Variants in PPP2R5C observed in about 807,000 individuals in gnomAD.
PPP2R5C encodes the protein protein phosphatase 2 regulatory subunit B'gamma.
A neutral mutation model predicts 68.9 loss-of-function variants in PPP2R5C; 7 were observed. That is an observed-to-expected ratio of 0.10 (90% CI 0.06 to 0.19). The LOEUF (loss-of-function observed/expected upper bound fraction) is 0.19, where lower values mean the gene tolerates loss of function less well. PPP2R5C is among the 10% of genes least tolerant of loss of function. The probability of loss-of-function intolerance (pLI) is 1.00; values close to 1 mark genes in which losing one functional copy is unlikely to be tolerated. For synonymous variants in PPP2R5C, 210 were observed against 222.2 expected (o/e 0.95, Z 0.49); for missense variants, 348 against 641.3 (o/e 0.54, Z 4.94).
intron 3 of PPP2R5C, among the ~76,000 whole-genome samples, chr14:101,798,601 T>A (rs1282872555): frequency 6.6e-6 from 1 of 152,220 alleles, no homozygotes; most frequent in Non-Finnish European, 1.5e-5. Context: ...TCCAAAAAAA[T>A]ATGAAATAAT....
chr14:101,779,223 G>T (rs1393088669), intron 2 of PPP2R5C, among the ~76,000 whole-genome samples: 4 of 152,118 alleles, frequency 2.6e-5, no homozygotes, highest in Admixed American at 2.0e-4. Flanking sequence ...TGAAGGAGAC[G>T]CAGCAAGCTC....
At chr14:101,761,725 C>A, upstream of PPP2R5C, 1 of 960,590 alleles carries the variant, frequency 1.0e-6, no homozygotes, top group Non-Finnish European at 1.2e-6. Context: ...GTGGCTGCCG[C>A]AGCCTCTGGG....
At chr14:101,908,636 G>A (rs984123392) in intron 10 of PPP2R5C, among the ~76,000 whole-genome samples, 2 of 151,848 alleles carry the variant, frequency 1.3e-5, no homozygotes, top group Non-Finnish European at 2.9e-5. Context: ...AGCCTCCCAC[G>A]GTGCCGGGAC....
intron 1 of PPP2R5C, among the ~76,000 whole-genome samples, chr14:101,832,507 G>A (rs756113774): frequency 1.3e-4 from 20 of 152,188 alleles, no homozygotes; most frequent in Non-Finnish European, 2.9e-4. Flanking sequence ...CGATCTTGAA[G>A]GTGTTCATGC....
chr14:101,836,620 A>T (rs1431560919), intron 1 of PPP2R5C: 2 of 479,642 alleles, frequency 4.2e-6, no homozygotes, highest in African/African-American at 3.9e-5. Context: ...AAGCTTAAAG[A>T]TTATTTCTAT....
intron 3 of PPP2R5C, among the ~76,000 whole-genome samples, chr14:101,787,918 C>T (rs1471045872): frequency 2.0e-5 from 3 of 152,128 alleles, no homozygotes; most frequent in Non-Finnish European, 4.4e-5. Flanking sequence ...ATATACCTTT[C>T]TCATGCTATT....
chr14:101,817,378 C>T (rs960602670), intron 1 of PPP2R5C, among the ~76,000 whole-genome samples: 64 of 152,164 alleles, frequency 4.2e-4, no homozygotes, highest in Non-Finnish European at 8.7e-4. Flanking sequence ...AATGTAATAA[C>T]TTAGCTACTG....
chr14:101,880,739 G>T (rs2044114210), intron 2 of PPP2R5C, among the ~76,000 whole-genome samples: 1 of 152,140 alleles, frequency 6.6e-6, no homozygotes, highest in African/African-American at 2.4e-5. Flanking sequence ...GGAGGCTGCA[G>T]TGAGCGATGA....
rs2037043965 is a variant in PPP2R5C at position 101,769,553 on chromosome 14, G to T, written c.93+6583G>T. ...TTTATCACTTTTTTGATCCAATAAG[G>T]GAACTCTAATGTAGAATTTTTATTC... On this transcript the variant is annotated intron_variant, in intron 2 of 14. Transcript: ENST00000328724. 2.6e-5 allele frequency among the ~76,000 whole-genome samples: 4 copies of T among 151,976 alleles called. No homozygotes were observed. In the South Asian group the frequency reaches 8.3e-4, roughly 32 times the overall value.
chr14:101,787,591 G>C (rs549076765), intron 3 of PPP2R5C, among the ~76,000 whole-genome samples: 16 of 145,332 alleles, frequency 1.1e-4, no homozygotes, highest in Non-Finnish European at 2.1e-4. Context: ...GTGAAACCCC[G>C]TCTCTACTAA....
intron 10 of PPP2R5C, among the ~76,000 whole-genome samples, chr14:101,909,181 T>C (rs527824674): frequency 7.9e-5 from 12 of 152,378 alleles, no homozygotes; most frequent in Non-Finnish European, 1.3e-4. Context: ...GTGTTGCCAT[T>C]ATTAAAATTA....
intron 1 of PPP2R5C, among the ~76,000 whole-genome samples, chr14:101,846,133 T>TA (rs763702609): frequency 7.9e-5 from 12 of 152,136 alleles, no homozygotes; most frequent in African/African-American, 4.8e-5. Flanking sequence ...CGGGAACACT[T>TA]AGAGTGGGCA....
In PPP2R5C at chr14:101,899,839, A is replaced by G. The variant is rs2180511; in HGVS notation, c.853-1880A>G. Among the ~76,000 whole-genome samples the G allele has an allele frequency of 8.2e-4, 123 of 150,798 alleles. 1 individual carries two copies. Among genetic ancestry groups the G allele is most frequent in the African/African-American group, 2.5e-3 (105 of 41,468 alleles). ...AATAATTCCTTTTAAAGACACTTGT[A>G]TGGTAGATTTTTATGTCAGACTTGA... On this transcript the variant is annotated intron_variant, in intron 8 of 13. Coordinates refer to ENST00000334743, the Ensembl canonical transcript of PPP2R5C. The surrounding 1 kb of genome is among the most constrained non-coding windows in gnomAD (Gnocchi z 4.2).
intron 1 of PPP2R5C, chr14:101,819,363 T>A (rs2039909479): frequency 5.6e-6 from 2 of 359,912 alleles, no homozygotes; most frequent in East Asian, 9.1e-5. Flanking sequence ...ATTACCAAGA[T>A]CTAATTTACC....
At chr14:101,782,674 C>G (rs191293616) in intron 2 of PPP2R5C, among the ~76,000 whole-genome samples, 1 of 3,310 alleles carries the variant, frequency 3.0e-4, no homozygotes, top group Non-Finnish European at 8.9e-4. Context: ...CCCCTTCTCT[C>G]TCTCTTTCTC....
intron 2 of PPP2R5C, among the ~76,000 whole-genome samples, chr14:101,764,025 G>GTA (rs1339893895): frequency 5.6e-4 from 85 of 151,306 alleles, no homozygotes; most frequent in Middle Eastern, 6.8e-3. Context: ...GTGTGTGTGT[G>GTA]TGTGGGCGCG....
chr14:101,855,038 C>T (rs2042343734), intron 1 of PPP2R5C, among the ~76,000 whole-genome samples: 3 of 151,984 alleles, frequency 2.0e-5, no homozygotes, highest in Admixed American at 1.3e-4. Flanking sequence ...GGTGTGGTGG[C>T]GCACATCTGT....
At position 101,809,992 on chromosome 14, in the gene PPP2R5C, A is replaced by G. The variant is rs143316004; in HGVS notation, c.50A>G (p.Asn17Ser). The G allele has an allele frequency of 2.5e-4, 398 of 1,613,812 alleles. 2 individuals carry two copies. The highest frequency in any genetic ancestry group is 2.5e-3 in the South Asian group (224 of 91,054). ...AGCAGGATGGTGGTGGATGCGGCCA[A>G]CTCCAATGGGCCTTTCCAGCCCGTG... is the stretch of plus-strand genomic sequence containing the variant. Residue 17 changes from asparagine to serine, a missense_variant, in exon 1 of 14, where the codon AAC becomes AGC. Around this residue, in one of 4 missense-constraint regions of PPP2R5C, gnomAD observed 75 missense variants for 120.9 expected, o/e 0.62. Coordinates refer to ENST00000334743, the Ensembl canonical transcript of PPP2R5C.
chr14:101,823,964 T>G (rs1401973047), intron 1 of PPP2R5C: 2 of 1,288,612 alleles, frequency 1.6e-6, no homozygotes. Context: ...TTTTAGGGTT[T>G]GTGGTTATGG....
Sources: allele counts gnomAD v4.1 joint callset (sites outside exome capture counted in the v4.1 genomes callset), GRCh38; gene constraint gnomAD v4.1.1; regional missense constraint gnomAD v4.1.1; non-coding constraint Gnocchi (gnomAD v3.1); transcripts MANE v1.5; gene names NCBI Gene and HGNC (gene_info 2026-07-23, HGNC 2026-07-21).